Variants in FARS2 observed in about 807,000 individuals in gnomAD.
FARS2 encodes the protein phenylalanine--tRNA ligase, mitochondrial.
FARS2 carries 40 observed loss-of-function variants against 46.4 expected under a neutral mutation model. The observed-to-expected ratio is 0.86, with a 90% CI of 0.67 to 1.12. The LOEUF (loss-of-function observed/expected upper bound fraction) is 1.12, where lower values mean the gene tolerates loss of function less well. Among genes scored for constraint, FARS2 ranks in the 50% most tolerant of loss-of-function variants. FARS2 has a pLI of 0.00. For synonymous variants in FARS2, 234 were observed against 214.9 expected (o/e 1.09, Z -0.78); for missense variants, 513 against 567.9 (o/e 0.90, Z 0.98).
At chr6:5,505,805 T>C (rs1768067047) in intron 4 of FARS2, among the ~76,000 whole-genome samples, 1 of 152,176 alleles carries the variant, frequency 6.6e-6, no homozygotes, top group Non-Finnish European at 1.5e-5. Context: ...GAAAACAGTA[T>C]GTTTGATATC....
chr6:5,714,030 C>A (rs1301153191), intron 6 of FARS2, among the ~76,000 whole-genome samples: 2 of 152,106 alleles, frequency 1.3e-5, no homozygotes, highest in African/African-American at 4.8e-5. Flanking sequence ...AATGCTGCAG[C>A]CCTGTGCAGA....
chr6:5,586,316 C>G (rs1287550609), intron 5 of FARS2, among the ~76,000 whole-genome samples: 1 of 152,062 alleles, frequency 6.6e-6, no homozygotes, highest in Non-Finnish European at 1.5e-5. Flanking sequence ...AAGCTTTCAG[C>G]TTTTCAACTT....
At chr6:5,432,553 T>A in intron 4 of FARS2, among the ~76,000 whole-genome samples, 1 of 136,330 alleles carries the variant, frequency 7.3e-6, no homozygotes, top group African/African-American at 2.8e-5. Context: ...GTATAAATCC[T>A]CCAAAAAAAA....
At chr6:5,591,934 G>A (rs1773941078) in intron 5 of FARS2, among the ~76,000 whole-genome samples, 2 of 152,120 alleles carry the variant, frequency 1.3e-5, no homozygotes, top group Non-Finnish European at 2.9e-5. Context: ...TGCCTTTCAT[G>A]TTTCTTCGCA....
At chr6:5,474,668 T>G (rs1766013294) in intron 4 of FARS2, among the ~76,000 whole-genome samples, 1 of 148,556 alleles carries the variant, frequency 6.7e-6, no homozygotes, top group Non-Finnish European at 1.5e-5. Context: ...GTACTGTTTT[T>G]TTTTTTTTTT....
At chr6:5,296,419 G>A (rs566952071) in intron 1 of FARS2, among the ~76,000 whole-genome samples, 25 of 152,134 alleles carry the variant, frequency 1.6e-4, no homozygotes, top group Non-Finnish European at 3.2e-4. Context: ...GGGATTACAG[G>A]CGTGCGCCAC....
chr6:5,275,480 C>A lies in FARS2; in HGVS notation c.-22+13820C>A, dbSNP rs565112234. ...GAGTTCTCCCACCAGAATGTGAATT[C>A]TGTGAGGGCTGGGACCATGTCTATT... On this transcript the variant is annotated intron_variant, in intron 1 of 6. Coordinates refer to ENST00000274680, the MANE Select transcript of FARS2 (RefSeq NM_006567.5). Among the ~76,000 whole-genome samples, 21 of 152,232 alleles carry A rather than the reference C, an allele frequency of 1.4e-4. 2 individuals are homozygous for A. The South Asian group carries it at 4.2e-3, about 30-fold the overall frequency.
intron 6 of FARS2, among the ~76,000 whole-genome samples, chr6:5,625,499 C>G (rs575084085): frequency 7.2e-5 from 11 of 152,240 alleles, no homozygotes; most frequent in Admixed American, 6.5e-4. Flanking sequence ...GGGATGAGGT[C>G]AGCCCCGGGG....
Position 5,574,846 on chromosome 6 carries a change from C to A in FARS2, c.1065+29506C>A, listed in dbSNP as rs78997252. 6.0e-3 allele frequency among the ~76,000 whole-genome samples: 911 copies of A among 152,186 alleles called. 12 individuals carry two copies. The highest frequency in any genetic ancestry group is 0.02 in the African/African-American group (810 of 41,520). On this transcript the variant is annotated intron_variant, in intron 5 of 6. Coordinates refer to ENST00000274680, the MANE Select transcript of FARS2 (RefSeq NM_006567.5). ...CCAAGACCTCTTGCAGATAACGAAA[C>A]CTGTACATACTCAAGTCCGGTAGTT...
chr6:5,397,971 C>G (rs1374794889), intron 2 of FARS2, among the ~76,000 whole-genome samples: 2 of 152,082 alleles, frequency 1.3e-5, no homozygotes, highest in Non-Finnish European at 2.9e-5. Context: ...AATTCATATT[C>G]TACATTTTTG....
chr6:5,418,550 C>T (rs959719761), intron 3 of FARS2, among the ~76,000 whole-genome samples: 1 of 152,228 alleles, frequency 6.6e-6, no homozygotes, highest in African/African-American at 2.4e-5. Context: ...TGAGCTCCAA[C>T]TTTATTCCCT....
chr6:5,438,893 C>T (rs145516283), intron 4 of FARS2, among the ~76,000 whole-genome samples: 48 of 152,310 alleles, frequency 3.2e-4, no homozygotes, highest in African/African-American at 1.1e-3. Flanking sequence ...GTTCCAATGT[C>T]TGGATCGTCC....
At chr6:5,670,264 T>G (rs1015276687) in intron 6 of FARS2, among the ~76,000 whole-genome samples, 2 of 152,266 alleles carry the variant, frequency 1.3e-5, no homozygotes. Context: ...TCCACCCAAA[T>G]AAGTTACATC....
chr6:5,426,077 G>T (rs1183369030), intron 3 of FARS2, among the ~76,000 whole-genome samples: 1 of 152,036 alleles, frequency 6.6e-6, no homozygotes, highest in Non-Finnish European at 1.5e-5. Context: ...GAAAATTGAG[G>T]TGTATAATTT....
intron 6 of FARS2, among the ~76,000 whole-genome samples, chr6:5,648,504 A>G (rs151333802): frequency 1.3e-5 from 2 of 152,306 alleles, no homozygotes; most frequent in African/African-American, 4.8e-5. Context: ...CTGGGGATCC[A>G]TTCCCTGTAG....
At chr6:5,501,885 C>T (rs914863532) in intron 4 of FARS2, among the ~76,000 whole-genome samples, 1 of 152,196 alleles carries the variant, frequency 6.6e-6, no homozygotes, top group African/African-American at 2.4e-5. Context: ...GTCCTTTGAG[C>T]TTGCCTGCCC....
chr6:5,504,091 G>C (rs1376652378), intron 4 of FARS2, among the ~76,000 whole-genome samples: 4 of 152,162 alleles, frequency 2.6e-5, no homozygotes, highest in Non-Finnish European at 5.9e-5. Flanking sequence ...GCAGAGTAGG[G>C]AGTGACAAAT....
At chr6:5,698,637 A>G (rs1758242193) in intron 6 of FARS2, among the ~76,000 whole-genome samples, 1 of 152,156 alleles carries the variant, frequency 6.6e-6, no homozygotes. Flanking sequence ...TATAAATGGA[A>G]TCTGGGCAGT....
intron 6 of FARS2, among the ~76,000 whole-genome samples, chr6:5,702,051 T>A (rs1758475723): frequency 6.6e-6 from 1 of 152,228 alleles, no homozygotes; most frequent in South Asian, 2.1e-4. Flanking sequence ...GTCAAGCCTT[T>A]CTCTGACTTC....
Sources: allele counts gnomAD v4.1 joint callset (sites outside exome capture counted in the v4.1 genomes callset), GRCh38; gene constraint gnomAD v4.1.1; transcripts MANE v1.5; gene names NCBI Gene and HGNC (gene_info 2026-07-23, HGNC 2026-07-21).